Variants in ASXL3 observed in about 807,000 individuals in gnomAD.
ASXL3 encodes ASXL transcriptional regulator 3.
Under a neutral mutation model 170.6 loss-of-function variants are expected in ASXL3, and 34 were observed. That is an observed-to-expected ratio of 0.20 (90% CI 0.15 to 0.27). ASXL3 has a LOEUF of 0.27. Among genes scored for constraint, ASXL3 ranks in the 10% least tolerant of loss-of-function variants. The pLI is 1.00. For synonymous variants in ASXL3, 1,002 were observed against 989.1 expected, an observed-to-expected ratio of 1.01 and a Z score of -0.24; for missense variants, 2,592 against 2,695.3, an observed-to-expected ratio of 0.96 and a Z score of 0.85.
chr18:33,715,290 C>T (rs1457193732), intron 8 of ASXL3, among the ~76,000 whole-genome samples: 1 of 152,180 alleles, frequency 6.6e-6, no homozygotes, highest in Non-Finnish European at 1.5e-5. Context: ...CATTTACCTG[C>T]TTCCAAACTA....
Position 33,734,319 on chromosome 18 carries a change from C to T in ASXL3, c.986C>T (p.Thr329Ile). The T allele has an allele frequency of 6.3e-7, 1 of 1,599,240 alleles. No individual in the cohort carries two copies. ...WKQRLAEGEF[T>I]PEMQLRIRQE... The stretch of plus-strand genomic sequence containing the variant: ...AGCATTTTCTTTTTAGGAGAGTTTA[C>T]CCCAGAAATGCAGTTGCGGATAAGG... Residue 329 changes from threonine to isoleucine, a missense_variant, in exon 10 of 12, where the codon ACC becomes ATC. Coordinates refer to ENST00000269197, the MANE Select transcript of ASXL3 (RefSeq NM_030632.3).
chr18:33,679,811 A>G (rs553982139), intron 7 of ASXL3, among the ~76,000 whole-genome samples: 1 of 152,246 alleles, frequency 6.6e-6, no homozygotes, highest in South Asian at 2.1e-4. Flanking sequence ...GCTTTTTAAA[A>G]TCTACTTTTA....
intron 8 of ASXL3, among the ~76,000 whole-genome samples, chr18:33,726,630 CTTTT>C (rs1247170148): frequency 1.3e-5 from 2 of 151,854 alleles, no homozygotes; most frequent in African/African-American, 2.4e-5. Context: ...TTACATGTTT[CTTTT>C]ATTTTTTCCA....
chr18:33,681,761 A>G (rs932740172), intron 7 of ASXL3, among the ~76,000 whole-genome samples: 4 of 151,880 alleles, frequency 2.6e-5, no homozygotes, highest in African/African-American at 9.7e-5. Context: ...CCTCTCTGCA[A>G]TCTGTGTTTT....
chr18:33,730,435 T>G (rs1369989154), intron 8 of ASXL3, among the ~76,000 whole-genome samples: 1 of 152,118 alleles, frequency 6.6e-6, no homozygotes, highest in Admixed American at 6.6e-5. Flanking sequence ...TGCCCCTTAG[T>G]TCCCAGATCC....
intron 1 of ASXL3, among the ~76,000 whole-genome samples, chr18:33,579,392 G>T (rs1200822879): frequency 6.6e-6 from 1 of 152,194 alleles, no homozygotes; most frequent in Admixed American, 6.5e-5. Context: ...AGTTGGGTCA[G>T]TGTCATTTGT....
Position 33,740,138 on chromosome 18 carries a change from G to T in ASXL3, c.2734G>T (p.Asp912Tyr). The change falls in exon 11 of 12, where the codon GAT becomes TAT. Residue 912 changes from aspartate (D) to tyrosine (Y), a missense_variant. Asp to Tyr is a radical substitution (Grantham distance 160). This residue lies in a region of ASXL3 where 2,246 missense variants were observed against 2,219.6 expected (regional missense o/e 1.01). Coordinates refer to ENST00000269197, the MANE Select transcript of ASXL3 (RefSeq NM_030632.3). ...LQDKQYISSV[D>Y]KAPFSEGSRN... ...GGACAAGCAATATATCTCATCAGTGGATAAGGCTCCATTTTCAGAAGGCTC... is the reference window on the plus strand; with the variant it reads ...GGACAAGCAATATATCTCATCAGTGTATAAGGCTCCATTTTCAGAAGGCTC... 2 of 1,613,902 alleles carry T rather than the reference G, an allele frequency of 1.2e-6. No individual in the cohort carries two copies. The highest frequency in any genetic ancestry group is 1.7e-6 in the Non-Finnish European group (2 of 1,179,878).
chr18:33,593,734 A>T (rs2065100573), intron 1 of ASXL3, among the ~76,000 whole-genome samples: 1 of 152,194 alleles, frequency 6.6e-6, no homozygotes, highest in Admixed American at 6.5e-5. Flanking sequence ...CTTACATATT[A>T]AATTGTATTT....
Position 33,661,520 on chromosome 18 carries a change from C to A in ASXL3, c.356-96C>A. The A allele has an allele frequency of 5.8e-6, 7 of 1,211,980 alleles. No individual in the cohort carries two copies. The South Asian group carries it at 1.1e-4, about 19-fold the overall frequency. The allele number at this position is 1,211,980 out of a possible 1,614,324, so 75.1% of individuals were successfully genotyped here. On this transcript the variant is annotated intron_variant, in intron 4 of 11. Transcript: ENST00000269197. ...TGCTATTTTGCTTTATTTTAGGTAT[C>A]CATTTTCAATTGCAGAAAAGCTCCA...
intron 8 of ASXL3, among the ~76,000 whole-genome samples, chr18:33,711,592 GAT>G (rs1298571201): frequency 6.6e-6 from 1 of 152,138 alleles, no homozygotes; most frequent in Non-Finnish European, 1.5e-5. Flanking sequence ...ACTGGTAACT[GAT>G]TTTTAAACAG....
At chr18:33,690,038 T>C (rs2145301768) in intron 8 of ASXL3, among the ~76,000 whole-genome samples, 1 of 152,222 alleles carries the variant, frequency 6.6e-6, no homozygotes, top group Admixed American at 6.5e-5. Context: ...TATTTATTTT[T>C]TAAGAGATAG....
At chr18:33,674,851 C>T (rs1333076283) in intron 7 of ASXL3, among the ~76,000 whole-genome samples, 1 of 152,096 alleles carries the variant, frequency 6.6e-6, no homozygotes, top group African/African-American at 2.4e-5. Context: ...ATCTCCTGAC[C>T]TCATGATCCA....
intron 2 of ASXL3, among the ~76,000 whole-genome samples, chr18:33,630,253 A>G (rs1314841840): frequency 6.6e-6 from 1 of 152,006 alleles, no homozygotes; most frequent in Non-Finnish European, 1.5e-5. Context: ...TTACTTTGAA[A>G]TTCGTCCTTT....
chr18:33,687,192 G>C (rs1182280691), intron 8 of ASXL3, among the ~76,000 whole-genome samples: 1 of 152,176 alleles, frequency 6.6e-6, no homozygotes, highest in Non-Finnish European at 1.5e-5. Flanking sequence ...TTTAGAGCTA[G>C]TATGCTCTCT....
intron 8 of ASXL3, among the ~76,000 whole-genome samples, chr18:33,722,190 A>G (rs966423237): frequency 1.2e-4 from 18 of 152,156 alleles, no homozygotes; most frequent in South Asian, 6.2e-4. Flanking sequence ...TAACCCTACA[A>G]TGGCCTCTAA....
intron 4 of ASXL3, 99 bp downstream of exon 4, chr18:33,646,452 A>G: frequency 1.2e-6 from 1 of 834,470 alleles, no homozygotes; most frequent in Non-Finnish European, 1.8e-6. Flanking sequence ...TTATCAATAC[A>G]GTTTTCTTCT....
At chr18:33,634,262 A>T (rs564608331) in intron 2 of ASXL3, among the ~76,000 whole-genome samples, 1 of 152,244 alleles carries the variant, frequency 6.6e-6, no homozygotes, top group South Asian at 2.1e-4. Flanking sequence ...TTGAAAATAC[A>T]GCAGAGTACC....
chr18:33,644,826 C>T (rs1568300532), intron 2 of ASXL3, 68 bp from the exon 3 acceptor site: 18 of 965,788 alleles, frequency 1.9e-5, no homozygotes, highest in Non-Finnish European at 2.4e-5. Context: ...GAGCGAGACT[C>T]AGAGAACAGT....
At chr18:33,610,143 C>G (rs1218910609) in intron 2 of ASXL3, among the ~76,000 whole-genome samples, 1 of 151,874 alleles carries the variant, frequency 6.6e-6, no homozygotes, top group Non-Finnish European at 1.5e-5. Context: ...TTGTTACTTT[C>G]CAAGTTTTTA....
Sources: gnomAD v4.1 joint callset for allele counts (sites outside exome capture counted in the v4.1 genomes callset) on GRCh38, gnomAD v4.1.1 for gene constraint, gnomAD v4.1.1 regional missense constraint, MANE v1.5 for transcripts, NCBI Gene and HGNC (gene_info 2026-07-23, HGNC 2026-07-21) for gene names.